Variants in GMPS observed in about 807,000 individuals in gnomAD.
GMPS encodes the protein guanosine monophosphate synthase, also known as GMP synthase [glutamine-hydrolyzing].
A neutral mutation model predicts 77.9 loss-of-function variants in GMPS; 15 were observed. The ratio of observed to expected loss-of-function variants is 0.19; its 90% CI spans 0.13 to 0.30. GMPS has a LOEUF of 0.30. GMPS is among the 10% of genes least tolerant of loss of function. GMPS has a pLI of 1.00. For synonymous variants in GMPS, 224 were observed against 275.9 expected, an observed-to-expected ratio of 0.81 and a Z score of 1.86; for missense variants, 590 against 838.8, an observed-to-expected ratio of 0.70 and a Z score of 3.66.
intron 1 of GMPS, among the ~76,000 whole-genome samples, chr3:155,882,067 GA>G (rs1207450995): frequency 5.3e-5 from 8 of 151,576 alleles, no homozygotes; most frequent in Admixed American, 2.0e-4. Flanking sequence ...GACCCTGTCT[GA>G]AAAAAAATAA....
At position 155,916,122 on chromosome 3, in the gene GMPS, C is replaced by A; in HGVS notation, c.1142C>A (p.Ala381Glu). Residue 381 changes from alanine (A) to glutamate (E), a missense_variant, in exon 9 of 16, where the codon GCA becomes GAA. Physicochemically the swap from Ala to Glu is moderately radical, Grantham distance 107. Around this residue, in one of 6 missense-constraint regions of GMPS, gnomAD observed 181 missense variants for 186.8 expected, o/e 0.97. Transcript: ENST00000496455. ...PDLIESASLV[A>E]SGKAELIKTH... ...CTAATTGAAAGTGCATCCCTTGTTG[C>A]AAGTGGCAAAGCTGAACTCATCAAA... The A allele has an allele frequency of 6.2e-7, 1 of 1,613,226 alleles. No homozygotes were observed. Among genetic ancestry groups the A allele is most frequent in the African/African-American group, 1.3e-5 (1 of 74,984 alleles).
At chr3:155,884,996 T>C (rs940207423) in intron 1 of GMPS, among the ~76,000 whole-genome samples, 5 of 152,172 alleles carry the variant, frequency 3.3e-5, no homozygotes, top group African/African-American at 1.2e-4. Context: ...AGAGATGTGT[T>C]TGGTTAGCAA....
At chr3:155,910,121 C>G (rs770971888) in intron 5 of GMPS, among the ~76,000 whole-genome samples, 11 of 152,176 alleles carry the variant, frequency 7.2e-5, no homozygotes, top group Middle Eastern at 3.4e-3. Flanking sequence ...TGGCACACAC[C>G]TGTTGTTCCA....
intron 7 of GMPS, among the ~76,000 whole-genome samples, chr3:155,912,468 T>C (rs537794376): frequency 6.6e-6 from 1 of 152,306 alleles, no homozygotes; most frequent in African/African-American, 2.4e-5. Context: ...TAATTTGTAG[T>C]TGTTTATTTT....
chr3:155,874,962 C>T (rs1475649953), intron 1 of GMPS, among the ~76,000 whole-genome samples: 1 of 127,964 alleles, frequency 7.8e-6, no homozygotes, highest in Non-Finnish European at 1.6e-5. Flanking sequence ...GGCTGGAGTA[C>T]AGTGGCATGA....
intron 9 of GMPS, 146 bp from the exon 10 acceptor site, chr3:155,919,087 A>G (rs3732399): frequency 0.064 from 35,269 of 550,036 alleles, 1,622 homozygotes; most frequent in East Asian, 0.16. Context: ...GCACTTAGGA[A>G]CAAATACTTT....
In GMPS at chr3:155,940,608, C is replaced by T; in HGVS notation, c.*2916C>T. 1 of 218,294 alleles carries T rather than the reference C, an allele frequency of 4.6e-6. No individual in the cohort carries two copies. Among genetic ancestry groups the T allele is most frequent in the East Asian group, 6.8e-5 (1 of 14,660 alleles). The allele number at this position is 218,294 out of a possible 1,614,324, so 13.5% of individuals were successfully genotyped here. ...CGTTAAACAACAATGTGAACTTGGT[C>T]AAGTCATTTCTGTTCTTTATCTGTG... is the stretch of plus-strand genomic sequence containing the variant. On this transcript the variant is annotated 3_prime_UTR_variant, in exon 16 of 16. Transcript: ENST00000496455.
intron 11 of GMPS, among the ~76,000 whole-genome samples, chr3:155,923,794 T>C (rs531696140): frequency 8.5e-5 from 13 of 152,342 alleles, no homozygotes; most frequent in African/African-American, 2.9e-4. Flanking sequence ...TCTTGACATA[T>C]AGCCCTAGAA....
chr3:155,916,202 T>C lies in GMPS; in HGVS notation c.1212+10T>C, dbSNP rs1026045370. ...AAAGTTGAGAGAGGAGGTAAAAGTT[T>C]ATGAAAACTTTTTCATAAAGTAGAT... On this transcript the variant is annotated intron_variant, in intron 9 of 15. Transcript: ENST00000496455. 3.2e-6 allele frequency: 5 copies of C among 1,586,458 alleles called. No individual in the cohort carries two copies. Among genetic ancestry groups the C allele is most frequent in the African/African-American group, 1.3e-5 (1 of 74,266 alleles).
rs995454025 is a variant in GMPS, at chr3:155,942,985, C to A, written c.*5293C>A. The A allele has an allele frequency of 1.0e-4, 19 of 182,572 alleles. 1 individual carries two copies. In the Admixed American group the frequency reaches 1.2e-3, roughly 11 times the overall value. 11.3% of individuals were successfully genotyped at this position (182,572 alleles called of 1,614,324 possible). The stretch of plus-strand genomic sequence containing the variant: ...GTGGCGCATGCCTGTAATCCCAGCA[C>A]TTTGGGAGGCCGAGGCGGGCGGATC... On this transcript the variant is annotated 3_prime_UTR_variant, in exon 16 of 16. Coordinates refer to ENST00000496455, the MANE Select transcript of GMPS (RefSeq NM_003875.3).
At chr3:155,922,374 A>AT (rs1755339621) in intron 11 of GMPS, 72 bp downstream of exon 11, 3 of 599,622 alleles carry the variant, frequency 5.0e-6, no homozygotes, top group Admixed American at 3.8e-5. Flanking sequence ...TTTATAATGA[A>AT]TTTTTTAGGG....
At position 155,941,779 on chromosome 3, in the gene GMPS, T is replaced by G; in HGVS notation, c.*4087T>G. 1 of 219,168 alleles carries G rather than the reference T, an allele frequency of 4.6e-6. No individual in the cohort carries two copies. The highest frequency in any genetic ancestry group is 6.7e-5 in the East Asian group (1 of 14,880). The allele number at this position is 219,168 out of a possible 1,614,324, so 13.6% of individuals were successfully genotyped here. ...TCAAGGGATCAGGGTATCTTTCTGG[T>G]ATCTTTTTAATCACTGAAGGACTTT... On this transcript the variant is annotated 3_prime_UTR_variant, in exon 16 of 16. Transcript: ENST00000496455.
At chr3:155,928,549 ATTATAC>A (rs1369648284) in intron 12 of GMPS, among the ~76,000 whole-genome samples, 2 of 149,204 alleles carry the variant, frequency 1.3e-5, no homozygotes, top group East Asian at 4.0e-4. Context: ...TTTTTTTTTT[ATTATAC>A]TTTAAGTTTT....
At chr3:155,912,022 TTAA>T (rs1755052652) in intron 7 of GMPS, among the ~76,000 whole-genome samples, 1 of 152,164 alleles carries the variant, frequency 6.6e-6, no homozygotes, top group African/African-American at 2.4e-5. Flanking sequence ...TTCTTAGTCC[TTAA>T]TAACATTTAC....
intron 13 of GMPS, among the ~76,000 whole-genome samples, chr3:155,933,989 T>C (rs894010245): frequency 7.2e-5 from 11 of 152,250 alleles, no homozygotes; most frequent in Non-Finnish European, 1.5e-5. Context: ...TGAATCATTT[T>C]TTTGGAAGGA....
intron 7 of GMPS, among the ~76,000 whole-genome samples, chr3:155,913,543 A>T (rs1755093277): frequency 6.8e-6 from 1 of 146,882 alleles, no homozygotes; most frequent in South Asian, 2.1e-4. Context: ...TTTTTTTGAG[A>T]CAGAGTCTTG....
At chr3:155,892,400 G>C (rs1355350695) in intron 1 of GMPS, among the ~76,000 whole-genome samples, 1 of 152,038 alleles carries the variant, frequency 6.6e-6, no homozygotes, top group Non-Finnish European at 1.5e-5. Context: ...CCCCAGGATA[G>C]AAACCAGACG....
chr3:155,911,071 T>C, intron 6 of GMPS, 43 bp from the exon 7 acceptor site: 2 of 1,483,064 alleles, frequency 1.3e-6, no homozygotes, highest in Non-Finnish European at 1.8e-6. Context: ...TTATTTTCTT[T>C]TTGCTTGTTT....
intron 14 of GMPS, among the ~76,000 whole-genome samples, chr3:155,935,949 C>T (rs12495418): frequency 0.055 from 8,303 of 152,230 alleles, 318 homozygotes; most frequent in East Asian, 0.18. Context: ...ATATATTAAT[C>T]AGTTGATGAA....
Sources: gnomAD v4.1 joint callset for allele counts (sites outside exome capture counted in the v4.1 genomes callset) on GRCh38, gnomAD v4.1.1 for gene constraint, gnomAD v4.1.1 regional missense constraint, MANE v1.5 for transcripts, NCBI Gene and HGNC (gene_info 2026-07-23, HGNC 2026-07-21) for gene names.